CMSS1: variants seen among roughly 807,000 people sequenced by gnomAD.
The protein encoded by CMSS1 is cms1 ribosomal small subunit homolog.
In CMSS1, 33 loss-of-function variants were observed where a neutral mutation model predicts 43.5. The observed-to-expected ratio is 0.76, with a 90% confidence interval of 0.57 to 1.01. The LOEUF (loss-of-function observed/expected upper bound fraction) is 1.01, where lower values mean the gene tolerates loss of function less well. Among genes scored for constraint, CMSS1 ranks in the 50% least tolerant of loss-of-function variants. CMSS1 has a pLI of 0.00. For synonymous variants in CMSS1, 115 were observed against 117.2 expected, an observed-to-expected ratio of 0.98 and a Z score of 0.12; for missense variants, 313 against 326.4, an observed-to-expected ratio of 0.96 and a Z score of 0.32.
intron 1 of CMSS1, among the ~76,000 whole-genome samples, chr3:99,869,697 T>C (rs1267592049): frequency 2.0e-5 from 3 of 152,234 alleles, no homozygotes; most frequent in East Asian, 1.9e-4. Flanking sequence ...ACTTAAGTCT[T>C]GCGAGCCCAA....
intron 1 of CMSS1, among the ~76,000 whole-genome samples, chr3:99,829,323 G>C (rs370665890): frequency 1.4e-4 from 21 of 152,176 alleles, no homozygotes; most frequent in African/African-American, 5.1e-4. Context: ...GTATTACTCT[G>C]TCCACACTGA....
chr3:100,115,034 T>C, intron 1 of CMSS1: 2 of 1,389,478 alleles, frequency 1.4e-6, no homozygotes, highest in South Asian at 2.5e-5. Context: ...TTTTGTTTTA[T>C]ATTATTCAAG....
chr3:100,139,613 G>GTA (rs71132513), intron 1 of CMSS1, among the ~76,000 whole-genome samples: 1,883 of 83,594 alleles, frequency 0.023, 26 homozygotes, highest in Middle Eastern at 0.053. Context: ...ATGTGTGTGT[G>GTA]TATATATATA....
At chr3:100,064,903 G>A (rs2065637368) in intron 1 of CMSS1, among the ~76,000 whole-genome samples, 1 of 152,108 alleles carries the variant, frequency 6.6e-6, no homozygotes, top group African/African-American at 2.4e-5. Context: ...GTGGGGCAGG[G>A]GGACTAACAA....
chr3:99,971,330 T>C (rs1163889544), intron 1 of CMSS1, among the ~76,000 whole-genome samples: 1 of 84,468 alleles, frequency 1.2e-5, no homozygotes, highest in Non-Finnish European at 2.2e-5. Flanking sequence ...ACAGAGCCCA[T>C]CTCAAAAAAA....
chr3:99,972,168 G>A (rs554763416), intron 1 of CMSS1, among the ~76,000 whole-genome samples: 1 of 152,236 alleles, frequency 6.6e-6, no homozygotes, highest in East Asian at 1.9e-4. Context: ...GGGGAAAGAT[G>A]TCATTCAAAC....
rs150193435 is a variant in CMSS1, at chr3:99,997,782, G to A, written c.65-149191G>A. On this transcript the variant is annotated intron_variant, in intron 1 of 9. Transcript: ENST00000421999. Reference sequence around the variant, plus strand: ...TGAAAAGATAAAATAAGAATAGCATGAGGTAATAGAGTTTTGATTTCCCTC... The same window carrying A: ...TGAAAAGATAAAATAAGAATAGCATAAGGTAATAGAGTTTTGATTTCCCTC... 9.2e-5 allele frequency among the ~76,000 whole-genome samples: 14 copies of A among 152,308 alleles called. No individual in the cohort carries two copies. The East Asian group carries it at 2.7e-3, about 29-fold the overall frequency.
chr3:99,956,588 C>G lies in CMSS1; in HGVS notation c.64+138545C>G, dbSNP rs184569322. Reference sequence around the variant, plus strand: ...TCTCGAATTCCTGACCTCAGATGATCCACCTGCCTCGGCCTTCCAAAGTGC... The same window carrying G: ...TCTCGAATTCCTGACCTCAGATGATGCACCTGCCTCGGCCTTCCAAAGTGC... On this transcript the variant is annotated intron_variant, in intron 1 of 9. Coordinates refer to ENST00000421999, the MANE Select transcript of CMSS1 (RefSeq NM_032359.4). Among the ~76,000 whole-genome samples the G allele has an allele frequency of 3.2e-3, 486 of 152,316 alleles. 2 individuals are homozygous for G. The highest frequency in any genetic ancestry group is 5.4e-3 in the Non-Finnish European group (364 of 68,028).
At chr3:99,984,454 G>C (rs1709271863) in intron 1 of CMSS1, among the ~76,000 whole-genome samples, 1 of 152,116 alleles carries the variant, frequency 6.6e-6, no homozygotes, top group Non-Finnish European at 1.5e-5. Context: ...ACTTTTTTGT[G>C]AACTCTAAAG....
chr3:100,021,915 TTGTGTGTGTGTG>T lies in CMSS1; in HGVS notation c.65-125023_65-125012del, dbSNP rs61704772. Among the ~76,000 whole-genome samples the T allele has an allele frequency of 1.5e-3, 164 of 105,974 alleles. 1 individual carries two copies. Among genetic ancestry groups the T allele is most frequent in the African/African-American group, 2.4e-3 (60 of 24,958 alleles). 69.5% of individuals were successfully genotyped at this position (105,974 alleles called of 152,430 possible). ...AGAATAGCTTGGATGCTAGATCCCA[TTGTGTGTGTGTG>T]TGTGTGTGTGTGTGTGTGTGTGTGT... is the stretch of plus-strand genomic sequence containing the variant. On this transcript the variant is annotated intron_variant, in intron 1 of 9. Transcript: ENST00000421999.
intron 1 of CMSS1, among the ~76,000 whole-genome samples, chr3:99,853,119 G>A (rs1943786178): frequency 6.6e-6 from 1 of 152,194 alleles, no homozygotes; most frequent in Admixed American, 6.5e-5. Flanking sequence ...AAGCATAGCA[G>A]CTTCTTCTCA....
intron 1 of CMSS1, among the ~76,000 whole-genome samples, chr3:100,076,073 G>A (rs1308321299): frequency 1.3e-5 from 2 of 152,242 alleles, no homozygotes; most frequent in African/African-American, 2.4e-5. Flanking sequence ...TTTGGGCAGG[G>A]CTGATGCTTC....
At chr3:99,971,165 G>A (rs989836855) in intron 1 of CMSS1, among the ~76,000 whole-genome samples, 22 of 152,132 alleles carry the variant, frequency 1.4e-4, no homozygotes, top group Admixed American at 1.2e-3. Flanking sequence ...GTGAAACCCC[G>A]TCTCTACTAA....
intron 1 of CMSS1, among the ~76,000 whole-genome samples, chr3:100,046,977 T>TAA (rs2065287902): frequency 6.6e-6 from 1 of 152,202 alleles, no homozygotes; most frequent in African/African-American, 2.4e-5. Flanking sequence ...AAGAGGCTGT[T>TAA]ATTTAAGTAA....
intron 1 of CMSS1, among the ~76,000 whole-genome samples, chr3:99,879,162 C>T (rs1182447809): frequency 6.6e-6 from 1 of 152,156 alleles, no homozygotes; most frequent in East Asian, 1.9e-4. Flanking sequence ...TCAGCACTAG[C>T]TTTAAACTGT....
intron 1 of CMSS1, among the ~76,000 whole-genome samples, chr3:99,874,744 GTA>G (rs1376405921): frequency 6.6e-6 from 1 of 152,152 alleles, no homozygotes; most frequent in Non-Finnish European, 1.5e-5. Context: ...CACATTTTGA[GTA>G]TTTTTTAAAT....
At position 99,817,931 on chromosome 3, in the gene CMSS1, G is replaced by C. The variant is rs774055740; in HGVS notation, c.-49G>C. On this transcript the variant is annotated 5_prime_UTR_variant, in exon 1 of 10. Coordinates refer to ENST00000421999, the MANE Select transcript of CMSS1 (RefSeq NM_032359.4). Reference sequence around the variant, plus strand: ...CTTTGAGACAACGTGATTCTCCGCAGCTGGTCGCCTACCCGTGATGTTCTG... The same window carrying C: ...CTTTGAGACAACGTGATTCTCCGCACCTGGTCGCCTACCCGTGATGTTCTG... 3.0e-5 allele frequency: 47 copies of C among 1,593,106 alleles called. No homozygotes were observed. The highest frequency in any genetic ancestry group is 3.9e-5 in the Non-Finnish European group (45 of 1,161,972).
In CMSS1 at chr3:100,167,762, G is replaced by A. The variant is rs1222587769; in HGVS notation, c.440G>A (p.Arg147Lys). The stretch of plus-strand genomic sequence containing the variant: ...GTTTGTCCTAAGTGGGTAAAACTTA[G>A]GAAGAACCACAGTGAGAAGAAATCG... ...KEICPKWVKL[R>K]KNHSEKKSVL... is the part of the protein sequence containing the mutation. The change falls in exon 6 of 10, where the codon AGG becomes AAG. Residue 147 changes from arginine (R) to lysine (K), a missense_variant. Coordinates refer to ENST00000421999, the MANE Select transcript of CMSS1 (RefSeq NM_032359.4). 2 of 1,612,898 alleles carry A rather than the reference G, an allele frequency of 1.2e-6. No homozygotes were observed. Among genetic ancestry groups the A allele is most frequent in the South Asian group, 1.1e-5 (1 of 90,870 alleles).
At chr3:99,985,184 G>C (rs1709299840) in intron 1 of CMSS1, among the ~76,000 whole-genome samples, 1 of 152,052 alleles carries the variant, frequency 6.6e-6, no homozygotes, top group South Asian at 2.1e-4. Context: ...GGGGTCAAAG[G>C]TTGTTTTAAA....
Sources: gnomAD v4.1 joint callset for allele counts (sites outside exome capture counted in the v4.1 genomes callset) on GRCh38, gnomAD v4.1.1 for gene constraint, MANE v1.5 for transcripts, NCBI Gene and HGNC (gene_info 2026-07-23, HGNC 2026-07-21) for gene names.